The following LPP variants were observed in gnomAD, a reference collection of about 807,000 sequenced individuals.
LPP encodes the protein lipoma-preferred partner.
In LPP, 38 loss-of-function variants were observed where a neutral mutation model predicts 60.4. The observed-to-expected ratio is 0.63, with a 90% CI of 0.49 to 0.83. LPP has a LOEUF of 0.83. LPP is among the 40% of genes least tolerant of loss of function. The pLI, the probability that LPP is intolerant of heterozygous loss-of-function variation, is 0.00. For synonymous variants in LPP, 328 were observed against 290.8 expected, an observed-to-expected ratio of 1.13 and a Z score of -1.30; for missense variants, 902 against 783.6, an observed-to-expected ratio of 1.15 and a Z score of -1.80.
intron 3 of LPP, among the ~76,000 whole-genome samples, chr3:188,348,430 G>A (rs1453401183): frequency 6.6e-6 from 1 of 152,194 alleles, no homozygotes; most frequent in African/African-American, 2.4e-5. Flanking sequence ...TTACAGGCAT[G>A]AGCCACCGTG....
At chr3:188,715,073 T>C (rs1192795815) in intron 8 of LPP, among the ~76,000 whole-genome samples, 1 of 152,112 alleles carries the variant, frequency 6.6e-6, no homozygotes, top group East Asian at 1.9e-4. Context: ...AAGGAGGCTC[T>C]CAGTTCTAGT....
Position 188,609,407 on chromosome 3 carries a change from A to G in LPP, c.676A>G (p.Lys226Glu). 4 of 1,614,138 alleles carry G rather than the reference A, an allele frequency of 2.5e-6. No homozygotes were observed. Among genetic ancestry groups the G allele is most frequent in the Non-Finnish European group, 2.5e-6 (3 of 1,180,032 alleles). The change falls in exon 7 of 12, where the codon AAG becomes GAG. Residue 226 changes from lysine (K) to glutamate (E), a missense_variant. Coordinates refer to ENST00000617246, the MANE Select transcript of LPP (RefSeq NM_001375462.1). The surrounding 1 kb of genome is among the most constrained non-coding windows in gnomAD (Gnocchi z 6.9). ...SSRPTFNVQV[K>E]SAQPSPHYMA... The stretch of plus-strand genomic sequence containing the variant: ...AAGGCCTACCTTTAATGTGCAGGTG[A>G]AGTCAGCCCAGCCCAGCCCTCATTA...
chr3:188,689,498 C>G (rs549109850), intron 7 of LPP, among the ~76,000 whole-genome samples: 37 of 152,246 alleles, frequency 2.4e-4, no homozygotes, highest in African/African-American at 8.7e-4. Flanking sequence ...AACCACTATT[C>G]TACTCTCTAC....
intron 7 of LPP, among the ~76,000 whole-genome samples, chr3:188,680,092 T>C (rs1276799451): frequency 1.3e-5 from 2 of 152,226 alleles, no homozygotes; most frequent in African/African-American, 2.4e-5. Context: ...AATGTTGTTT[T>C]ATTTTGAAAA....
chr3:188,786,244 A>C (rs150583685), intron 9 of LPP, among the ~76,000 whole-genome samples: 3,791 of 151,712 alleles, frequency 0.025, 144 homozygotes, highest in African/African-American at 0.086. Context: ...TTACCCGGGC[A>C]TGGTGGCGGG....
At chr3:188,243,430 G>A (rs1449412333) in intron 2 of LPP, among the ~76,000 whole-genome samples, 1 of 152,190 alleles carries the variant, frequency 6.6e-6, no homozygotes, top group African/African-American at 2.4e-5. Flanking sequence ...AATTTAAGTA[G>A]AGAACAAACC....
At chr3:188,668,347 C>G (rs906069002) in intron 7 of LPP, among the ~76,000 whole-genome samples, 10 of 152,086 alleles carry the variant, frequency 6.6e-5, no homozygotes, top group African/African-American at 2.2e-4. Flanking sequence ...TTTACACTCG[C>G]CATATGATAT....
intron 9 of LPP, among the ~76,000 whole-genome samples, chr3:188,828,013 TAGGATAA>T (rs1209766466): frequency 6.6e-6 from 1 of 152,176 alleles, no homozygotes; most frequent in South Asian, 2.1e-4. Flanking sequence ...AGGCTCACAA[TAGGATAA>T]AGTGTAACAT....
intron 9 of LPP, among the ~76,000 whole-genome samples, chr3:188,806,388 CT>C (rs1749143937): frequency 6.6e-6 from 1 of 151,714 alleles, no homozygotes; most frequent in African/African-American, 2.4e-5. Context: ...ATTTAACTTT[CT>C]TTTATTAGTT....
At chr3:188,774,209 T>C (rs545091550) in intron 9 of LPP, among the ~76,000 whole-genome samples, 2 of 152,296 alleles carry the variant, frequency 1.3e-5, no homozygotes, top group South Asian at 4.1e-4. Flanking sequence ...AGTCTCATTG[T>C]TACAGCTCTC....
intron 4 of LPP, among the ~76,000 whole-genome samples, chr3:188,434,402 G>A (rs1407218672): frequency 6.6e-6 from 1 of 152,006 alleles, no homozygotes; most frequent in African/African-American, 2.4e-5. Context: ...GATACCTGCT[G>A]AATTGATTGT....
At chr3:188,542,568 A>C (rs757261974) in intron 6 of LPP, among the ~76,000 whole-genome samples, 5 of 152,184 alleles carry the variant, frequency 3.3e-5, no homozygotes, top group Non-Finnish European at 5.9e-5. Context: ...CCATTTATGC[A>C]TCTAAACACT....
intron 7 of LPP, among the ~76,000 whole-genome samples, chr3:188,675,691 A>AT (rs1857906725): frequency 6.6e-6 from 1 of 152,260 alleles, no homozygotes; most frequent in Non-Finnish European, 1.5e-5. Context: ...AACTGGATGA[A>AT]TAAAAAGTTC....
intron 4 of LPP, among the ~76,000 whole-genome samples, chr3:188,425,618 A>G (rs1299168572): frequency 2.0e-5 from 3 of 152,138 alleles, no homozygotes; most frequent in African/African-American, 4.8e-5. Context: ...TACTGCATCA[A>G]TTTCAGAACT....
rs1291703704 is a variant in LPP, at chr3:188,596,014, C to T, written c.430-13147C>T. Among the ~76,000 whole-genome samples the T allele has an allele frequency of 2.0e-5, 3 of 152,238 alleles. 1 individual carries two copies. The highest frequency in any genetic ancestry group is 4.1e-4 in the South Asian group (2 of 4,830). Reference sequence around the variant, plus strand: ...GAAATGAATCTAACCCATGTGGTCACTACAGGATTTATCTGGGCATTTGCT... The same window carrying T: ...GAAATGAATCTAACCCATGTGGTCATTACAGGATTTATCTGGGCATTTGCT... On this transcript the variant is annotated intron_variant, in intron 6 of 11. Coordinates refer to ENST00000617246, the MANE Select transcript of LPP (RefSeq NM_001375462.1).
chr3:188,162,900 G>A (rs1718744929), intron 1 of LPP, among the ~76,000 whole-genome samples: 1 of 152,224 alleles, frequency 6.6e-6, no homozygotes, highest in Non-Finnish European at 1.5e-5. Flanking sequence ...TTAATACAGG[G>A]TGCTCCCTTG....
intron 1 of LPP, among the ~76,000 whole-genome samples, chr3:188,213,922 G>T (rs1712335048): frequency 6.8e-6 from 1 of 147,034 alleles, no homozygotes; most frequent in South Asian, 2.2e-4. Flanking sequence ...GGAATATTAT[G>T]CCCATTCAAA....
At chr3:188,669,449 A>ACG (rs1856503965) in intron 7 of LPP, among the ~76,000 whole-genome samples, 1 of 151,988 alleles carries the variant, frequency 6.6e-6, no homozygotes, top group Non-Finnish European at 1.5e-5. Context: ...GGTGGCGGGC[A>ACG]CCTGTAGTCC....
At chr3:188,244,091 G>A (rs1046748779) in intron 2 of LPP, among the ~76,000 whole-genome samples, 3 of 152,168 alleles carry the variant, frequency 2.0e-5, no homozygotes, top group South Asian at 2.1e-4. Context: ...GGCTGGTCTC[G>A]AACTCCTGGC....
Sources: gnomAD v4.1 joint callset for allele counts (sites outside exome capture counted in the v4.1 genomes callset) on GRCh38, gnomAD v4.1.1 for gene constraint, Gnocchi (gnomAD v3.1) non-coding constraint, MANE v1.5 for transcripts, NCBI Gene and HGNC (gene_info 2026-07-23, HGNC 2026-07-21) for gene names.